ASXL1: variants seen among roughly 807,000 people sequenced by gnomAD.
The protein encoded by ASXL1 is polycomb group protein ASXL1.
In ASXL1, 65 loss-of-function variants were observed where a neutral mutation model predicts 89.1. That is an observed-to-expected ratio of 0.73 (90% confidence interval 0.60 to 0.90). ASXL1 has a LOEUF of 0.90. ASXL1 is among the 40% of genes least tolerant of loss of function. The probability of loss-of-function intolerance (pLI) is 0.00; values close to 1 mark genes in which losing one functional copy is unlikely to be tolerated. For synonymous variants in ASXL1, 739 were observed against 746.9 expected (o/e 0.99, Z 0.17); for missense variants, 1,786 against 1,942.9 (o/e 0.92, Z 1.52).
rs374054571 is a variant in ASXL1, at chr20:32,432,914, A to G, written c.1014A>G (p.Arg338=). The part of the protein sequence containing the change: ...EFTHEMQVRI[R]QEMEKEKKVE... Reference sequence around the variant, plus strand: ...CTCATGAGATGCAAGTCAGGATACGACAGGAAATGGAGAAGGAAAAGAAGG... The same window carrying G: ...CTCATGAGATGCAAGTCAGGATACGGCAGGAAATGGAGAAGGAAAAGAAGG... Residue 338 remains arginine (R), a synonymous_variant, in exon 11 of 13, where the codon CGA becomes CGG. Coordinates refer to ENST00000375687, the MANE Select transcript of ASXL1 (RefSeq NM_015338.6). The G allele has an allele frequency of 1.2e-6, 2 of 1,613,942 alleles. No individual in the cohort carries two copies. The highest frequency in any genetic ancestry group is 2.7e-5 in the African/African-American group (2 of 74,938).
chr20:32,388,833 A>G (rs1330803290), intron 4 of ASXL1, among the ~76,000 whole-genome samples: 1 of 152,042 alleles, frequency 6.6e-6, no homozygotes, highest in African/African-American at 2.4e-5. Flanking sequence ...CTGGGCATGT[A>G]TGTTTTTATT....
At position 32,434,447 on chromosome 20, in the gene ASXL1, A is replaced by G. The variant is rs368930454; in HGVS notation, c.1735A>G (p.Ile579Val). 8 of 1,614,072 alleles carry G rather than the reference A, an allele frequency of 5.0e-6. No individual in the cohort carries two copies. Among genetic ancestry groups the G allele is most frequent in the Non-Finnish European group, 6.8e-6 (8 of 1,180,026 alleles). The change falls in exon 13 of 13, where the codon ATC becomes GTC. Residue 579 changes from isoleucine to valine, a missense_variant. Ile to Val is a conservative substitution (Grantham distance 29). Around this residue, in one of 3 missense-constraint regions of ASXL1, gnomAD observed 1,418 missense variants for 1,427.8 expected, o/e 0.99. Coordinates refer to ENST00000375687, the MANE Select transcript of ASXL1 (RefSeq NM_015338.6). ...TTTTTTGCAGATTCAACTTTCACGTATCAAACCACCCTGGGTGGTTAAAGG... is the reference window on the plus strand; with the variant it reads ...TTTTTTGCAGATTCAACTTTCACGTGTCAAACCACCCTGGGTGGTTAAAGG... Reference protein sequence around the residue: ...VPPIRIQLSRIKPPWVVKGQP... With the variant: ...VPPIRIQLSRVKPPWVVKGQP...
Position 32,358,769 on chromosome 20 carries a change from GAGA to G in ASXL1, c.-4_-2del. ...GCGTGGAGCTGCCGCCGCCGCCGGG[GAGA>G]AGGATGAAGGACAAACAGAAGAAGA... On this transcript the variant is annotated 5_prime_UTR_variant, in exon 1 of 13. Coordinates refer to ENST00000375687, the MANE Select transcript of ASXL1 (RefSeq NM_015338.6). The G allele has an allele frequency of 2.0e-6, 3 of 1,493,672 alleles. No homozygotes were observed. The highest frequency in any genetic ancestry group is 1.5e-5 in the African/African-American group (1 of 68,100). 92.5% of individuals were successfully genotyped at this position (1,493,672 alleles called of 1,614,324 possible).
At chr20:32,401,640 G>C (rs2048876855) in intron 4 of ASXL1, among the ~76,000 whole-genome samples, 1 of 146,486 alleles carries the variant, frequency 6.8e-6, no homozygotes, top group African/African-American at 2.6e-5. Flanking sequence ...ACTGCAATCT[G>C]CACCTCACAG....
Position 32,358,772 on chromosome 20 carries a change from A to G in ASXL1, c.-4A>G, listed in dbSNP as rs771767100. 308 of 1,308,282 alleles carry G rather than the reference A, an allele frequency of 2.4e-4. No individual in the cohort carries two copies. The African/African-American group carries it at 4.6e-3, about 19-fold the overall frequency. 81.0% of individuals were successfully genotyped at this position (1,308,282 alleles called of 1,614,324 possible). A position where few individuals can be genotyped will look rare whatever the true frequency, so the allele number is the denominator to read the frequency against. ...TGGAGCTGCCGCCGCCGCCGGGGAGAAGGATGAAGGACAAACAGAAGAAGA... is the reference window on the plus strand; with the variant it reads ...TGGAGCTGCCGCCGCCGCCGGGGAGGAGGATGAAGGACAAACAGAAGAAGA... On this transcript the variant is annotated 5_prime_UTR_variant, in exon 1 of 13. Coordinates refer to ENST00000375687, the MANE Select transcript of ASXL1 (RefSeq NM_015338.6).
At chr20:32,361,805 C>G (rs1421163524) in intron 1 of ASXL1, among the ~76,000 whole-genome samples, 1 of 152,144 alleles carries the variant, frequency 6.6e-6, no homozygotes, top group Non-Finnish European at 1.5e-5. Flanking sequence ...GTGGCTCACG[C>G]CTGTAATCCC....
chr20:32,432,706 A>T, intron 10 of ASXL1, 174 bp from the exon 11 acceptor site: 1 of 744,588 alleles, frequency 1.3e-6, no homozygotes, highest in Non-Finnish European at 2.1e-6. Flanking sequence ...GTCTCACTTT[A>T]AGGAAGAGTG....
rs2145371293 is a variant in ASXL1 at position 32,435,387 on chromosome 20, C to G, written c.2675C>G (p.Ser892Cys). 1 of 1,614,200 alleles carries G rather than the reference C, an allele frequency of 6.2e-7. No individual in the cohort carries two copies. Among genetic ancestry groups the G allele is most frequent in the Non-Finnish European group, 8.5e-7 (1 of 1,180,042 alleles). The stretch of plus-strand genomic sequence containing the variant: ...AACTTGAAAACCAAGGCTCTCGTTT[C>G]TAACAGTTCTTTGCATTGGATACCC... ...QENLKTKALV[S>C]NSSLHWIPIP... is the part of the protein sequence containing the mutation. Residue 892 changes from serine to cysteine, a missense_variant, in exon 13 of 13, where the codon TCT (serine) becomes TGT (cysteine). This residue lies in a region of ASXL1 where 1,418 missense variants were observed against 1,427.8 expected (regional missense o/e 0.99). Transcript: ENST00000375687.
At chr20:32,401,233 G>A (rs948593637) in intron 4 of ASXL1, among the ~76,000 whole-genome samples, 5 of 152,252 alleles carry the variant, frequency 3.3e-5, no homozygotes, top group African/African-American at 1.2e-4. Context: ...TTTATCACGT[G>A]TATAGATTTC....
At chr20:32,434,394 C>G in intron 12 of ASXL1, 38 bp from the exon 13 acceptor site, 1 of 1,611,626 alleles carries the variant, frequency 6.2e-7, no homozygotes, top group East Asian at 2.2e-5. Flanking sequence ...TCAGATCACC[C>G]AGTCAGTTAA....
intron 4 of ASXL1, among the ~76,000 whole-genome samples, chr20:32,419,282 A>C (rs2049197034): frequency 1.3e-5 from 2 of 152,100 alleles, no homozygotes; most frequent in Admixed American, 1.3e-4. Context: ...AGCTCGCTGC[A>C]ACCTGAAACT....
At chr20:32,432,155 G>A (rs1447323145) in intron 10 of ASXL1, among the ~76,000 whole-genome samples, 1 of 152,168 alleles carries the variant, frequency 6.6e-6, no homozygotes, top group African/African-American at 2.4e-5. Context: ...ATAGTTATAT[G>A]TACAGGGCTG....
At chr20:32,430,503 A>T (rs1422839742) in intron 8 of ASXL1, 2 of 240,176 alleles carry the variant, frequency 8.3e-6, no homozygotes, top group Admixed American at 1.0e-4. Context: ...AATTTTGGGG[A>T]TGCAAACAAA....
Position 32,429,228 on chromosome 20 carries a change from GAAGA to G in ASXL1, c.472-109_472-106del. 6 of 1,083,716 alleles carry G rather than the reference GAAGA, an allele frequency of 5.5e-6. No individual in the cohort carries two copies. The highest frequency in any genetic ancestry group is 6.9e-6 in the Non-Finnish European group (5 of 721,734). The allele number at this position is 1,083,716 out of a possible 1,614,324, so 67.1% of individuals were successfully genotyped here. On this transcript the variant is annotated intron_variant, in intron 6 of 12. Coordinates refer to ENST00000375687, the MANE Select transcript of ASXL1 (RefSeq NM_015338.6). The surrounding 1 kb of genome is among the most constrained non-coding windows in gnomAD (Gnocchi z 4.9). The stretch of plus-strand genomic sequence containing the variant: ...TCAGCATTATTTGACAGATCTGGTT[GAAGA>G]CGAACTTCATTTTACAAGAGCGTGA...
intron 4 of ASXL1, among the ~76,000 whole-genome samples, chr20:32,420,918 A>G (rs2049233350): frequency 6.6e-6 from 1 of 152,194 alleles, no homozygotes; most frequent in Non-Finnish European, 1.5e-5. Context: ...TGCCCTTTGC[A>G]GGGACGTGGA....
In ASXL1 at chr20:32,431,448, G is replaced by A. The variant is rs1211910055; in HGVS notation, c.846G>A (p.Gln282=). Residue 282 remains glutamine (Q), a synonymous_variant, in exon 9 of 13, where the codon CAG becomes CAA. Coordinates refer to ENST00000375687, the MANE Select transcript of ASXL1 (RefSeq NM_015338.6). ...ATGCCTTACCATCACACTTCCAGCA[G>A]CAGCTCCTCTTCCTCCTGCCTGAAG... is the stretch of plus-strand genomic sequence containing the variant. ...TFHALPSHFQ[Q]QLLFLLPEVD... is the part of the protein sequence containing the mutation. The A allele has an allele frequency of 2.5e-6, 4 of 1,614,174 alleles. No individual in the cohort carries two copies. Among genetic ancestry groups the A allele is most frequent in the Middle Eastern group, 1.6e-4 (1 of 6,062 alleles).
chr20:32,364,536 C>A (rs1373722413), intron 1 of ASXL1, among the ~76,000 whole-genome samples: 3 of 152,066 alleles, frequency 2.0e-5, no homozygotes, highest in Non-Finnish European at 2.9e-5. Context: ...TTTTTAAATT[C>A]TTTAAAGAGA....
chr20:32,436,148 T>C lies in ASXL1; in HGVS notation c.3436T>C (p.Ser1146Pro), dbSNP rs2011848348. The C allele has an allele frequency of 6.2e-7, 1 of 1,614,080 alleles. No individual in the cohort carries two copies. The highest frequency in any genetic ancestry group is 8.5e-7 in the Non-Finnish European group (1 of 1,180,050). Residue 1146 changes from serine (S) to proline (P), a missense_variant, in exon 13 of 13, where the codon TCG becomes CCG. Around this residue, in one of 3 missense-constraint regions of ASXL1, gnomAD observed 1,418 missense variants for 1,427.8 expected, o/e 0.99. Coordinates refer to ENST00000375687, the MANE Select transcript of ASXL1 (RefSeq NM_015338.6). ...VPLTKDQSHG[S>P]LRMGSLHGLG... is the part of the protein sequence containing the mutation. ...ACTTACAAAAGACCAGAGCCATGGC[T>C]CGCTACGCATGGGATCTTTACATGG...
At position 32,363,194 on chromosome 20, in the gene ASXL1, C is replaced by T. The variant is rs79765077; in HGVS notation, c.58-3190C>T. 5.0e-3 allele frequency among the ~76,000 whole-genome samples: 754 copies of T among 152,144 alleles called. 1 individual carries two copies. Among genetic ancestry groups the T allele is most frequent in the Non-Finnish European group, 8.4e-3 (572 of 68,010 alleles). On this transcript the variant is annotated intron_variant, in intron 1 of 12. Transcript: ENST00000375687. ...CCTTTAGAGATTCTGTTTCCCCTGT[C>T]TTAAATTCTCAGGCTATTTCTGATT...
Sources: gnomAD v4.1 joint callset for allele counts (sites outside exome capture counted in the v4.1 genomes callset) on GRCh38, gnomAD v4.1.1 for gene constraint, gnomAD v4.1.1 regional missense constraint, Gnocchi (gnomAD v3.1) non-coding constraint, MANE v1.5 for transcripts, NCBI Gene and HGNC (gene_info 2026-07-23, HGNC 2026-07-21) for gene names.